Variants in LARGE1 observed in about 807,000 individuals in gnomAD.
LARGE1 encodes the protein LARGE xylosyl- and glucuronyltransferase 1, also known as xylosyl- and glucuronyltransferase LARGE1.
A neutral mutation model predicts 87.6 loss-of-function variants in LARGE1; 43 were observed. That is an observed-to-expected ratio of 0.49 (90% CI 0.38 to 0.63). The LOEUF (loss-of-function observed/expected upper bound fraction) is 0.63, where lower values mean the gene tolerates loss of function less well. Among genes scored for constraint, LARGE1 ranks in the 30% least tolerant of loss-of-function variants. The pLI is 0.00. For synonymous variants in LARGE1, 434 were observed against 394.6 expected (o/e 1.10, Z -1.18); for missense variants, 802 against 1,000.2 (o/e 0.80, Z 2.67).
intron 5 of LARGE1, among the ~76,000 whole-genome samples, chr22:33,602,439 C>T (rs1033318285): frequency 2.0e-5 from 3 of 152,130 alleles, no homozygotes; most frequent in Non-Finnish European, 2.9e-5. Context: ...TACAGTGGTA[C>T]GATCATAGCT....
At chr22:33,655,980 A>C (rs1367105073) in intron 2 of LARGE1, among the ~76,000 whole-genome samples, 1 of 152,148 alleles carries the variant, frequency 6.6e-6, no homozygotes, top group East Asian at 1.9e-4. Flanking sequence ...CTTACTAATA[A>C]ATAACTTAGG....
intron 2 of LARGE1, among the ~76,000 whole-genome samples, chr22:33,758,991 T>C (rs1446945921): frequency 4.6e-5 from 7 of 152,116 alleles, no homozygotes; most frequent in Non-Finnish European, 1.0e-4. Flanking sequence ...TCAGAGGCAA[T>C]ATTAGTGAAT....
the LARGE1 span, among the ~76,000 whole-genome samples, chr22:33,087,037 T>C: frequency 6.6e-6 from 1 of 152,212 alleles, no homozygotes; most frequent in Admixed American, 6.5e-5. Context: ...CGATACTGTC[T>C]ATTACATTTT....
At chr22:33,183,731 C>A (rs1216175610) in intron 11 of LARGE1, among the ~76,000 whole-genome samples, 1 of 151,390 alleles carries the variant, frequency 6.6e-6, no homozygotes, top group African/African-American at 2.4e-5. Context: ...GTGAAATAAA[C>A]CAGACACAGA....
chr22:33,199,220 A>G (rs1158412463), intron 11 of LARGE1, among the ~76,000 whole-genome samples: 5 of 141,832 alleles, frequency 3.5e-5, no homozygotes, highest in Non-Finnish European at 1.5e-5. Context: ...TTTTTTTCTT[A>G]TGGAGTTGTT....
chr22:33,681,068 CAATTT>C (rs2081754579), intron 2 of LARGE1, among the ~76,000 whole-genome samples: 1 of 152,088 alleles, frequency 6.6e-6, no homozygotes, highest in Non-Finnish European at 1.5e-5. Flanking sequence ...TAATTGCACT[CAATTT>C]AATGTACTAT....
intron 11 of LARGE1, among the ~76,000 whole-genome samples, chr22:33,227,131 A>C (rs1026134170): frequency 1.3e-5 from 2 of 152,170 alleles, no homozygotes; most frequent in East Asian, 3.8e-4. Flanking sequence ...AGCTCATTTA[A>C]TTTTTATAGT....
At chr22:33,588,185 G>T (rs868805431) in intron 5 of LARGE1, among the ~76,000 whole-genome samples, 1 of 152,142 alleles carries the variant, frequency 6.6e-6, no homozygotes, top group African/African-American at 2.4e-5. Flanking sequence ...AGAGCCGAGG[G>T]GTCCATCCAC....
At chr22:33,283,170 AC>A in intron 13 of LARGE1, 31 bp downstream of exon 13, 1 of 1,613,522 alleles carries the variant, frequency 6.2e-7, no homozygotes. Context: ...GCCTTCGAGC[AC>A]CCCCAGAGTA....
Position 33,736,662 on chromosome 22 carries a change from T to C in LARGE1, c.106+24709A>G, listed in dbSNP as rs117468993. Among the ~76,000 whole-genome samples the C allele has an allele frequency of 2.1e-3, 320 of 152,346 alleles. 1 individual carries two copies. Among genetic ancestry groups the C allele is most frequent in the Non-Finnish European group, 3.7e-3 (252 of 68,034 alleles). On this transcript the variant is annotated intron_variant, in intron 2 of 14. Transcript: ENST00000397394. ...GAAGCTCAATTTATCTATTTTTTTCTTTTGTTGGTTGTGCTTCTAGTGTCA... is the reference window on the plus strand; with the variant it reads ...GAAGCTCAATTTATCTATTTTTTTCCTTTGTTGGTTGTGCTTCTAGTGTCA...
chr22:33,623,328 G>C (rs2079815026), intron 4 of LARGE1, among the ~76,000 whole-genome samples: 1 of 152,118 alleles, frequency 6.6e-6, no homozygotes, highest in South Asian at 2.1e-4. Context: ...TAACAATGTG[G>C]AAAGGGCATC....
chr22:33,851,985 G>C (rs746209312), intron 1 of LARGE1, among the ~76,000 whole-genome samples: 4 of 152,034 alleles, frequency 2.6e-5, no homozygotes, highest in Non-Finnish European at 5.9e-5. Context: ...TTTTTGTCTT[G>C]TTCTATTACC....
At chr22:33,730,212 A>G (rs1042457854) in intron 2 of LARGE1, among the ~76,000 whole-genome samples, 1 of 152,198 alleles carries the variant, frequency 6.6e-6, no homozygotes, top group Non-Finnish European at 1.5e-5. Context: ...TCTACTTAAT[A>G]CATAGTAAAT....
intron 6 of LARGE1, among the ~76,000 whole-genome samples, chr22:33,553,494 T>C (rs1417765464): frequency 1.3e-5 from 2 of 151,914 alleles, no homozygotes; most frequent in African/African-American, 4.8e-5. Context: ...CCAGCCTGGG[T>C]GACACAACAA....
intron 5 of LARGE1, among the ~76,000 whole-genome samples, chr22:33,575,948 C>T (rs922604495): frequency 6.6e-6 from 1 of 152,154 alleles, no homozygotes; most frequent in African/African-American, 2.4e-5. Context: ...TCCTTCAGTA[C>T]TTTATGTTAT....
At chr22:33,553,632 G>A (rs1459174710) in intron 6 of LARGE1, among the ~76,000 whole-genome samples, 5 of 152,124 alleles carry the variant, frequency 3.3e-5, no homozygotes, top group African/African-American at 1.2e-4. Context: ...ATCATGTCAC[G>A]TTACCCTCAC....
chr22:33,171,934 G>C (rs1292281820), intron 11 of LARGE1, among the ~76,000 whole-genome samples: 4 of 152,104 alleles, frequency 2.6e-5, no homozygotes, highest in African/African-American at 9.7e-5. Flanking sequence ...CATACACCTG[G>C]AAACACCACA....
rs2066913875 is a variant in LARGE1 at position 33,427,322 on chromosome 22, GA to G, written c.892+4838del. On this transcript the variant is annotated intron_variant, in intron 7 of 14. Transcript: ENST00000397394. ...CTAGGATCTGCCTGGTTATCCATCC[GA>G]AGCTGCGGTGGCTCAGTAGCTTCTG... Among the ~76,000 whole-genome samples the G allele has an allele frequency of 4.6e-5, 7 of 152,260 alleles. No homozygotes were observed. The South Asian group carries it at 8.3e-4, about 18-fold the overall frequency.
chr22:33,425,034 C>T (rs2066828625), intron 7 of LARGE1, among the ~76,000 whole-genome samples: 1 of 151,772 alleles, frequency 6.6e-6, no homozygotes, highest in Non-Finnish European at 1.5e-5. Context: ...GAGGTGGAAA[C>T]GGGTGGATCA....
Sources: allele counts gnomAD v4.1 joint callset (sites outside exome capture counted in the v4.1 genomes callset), GRCh38; gene constraint gnomAD v4.1.1; transcripts MANE v1.5; gene names NCBI Gene and HGNC (gene_info 2026-07-23, HGNC 2026-07-21).